The following PTPRG variants were observed in gnomAD, a reference collection of about 807,000 sequenced individuals.
The protein encoded by PTPRG is protein tyrosine phosphatase receptor type G.
A neutral mutation model predicts 165.3 loss-of-function variants in PTPRG; 102 were observed. The observed-to-expected ratio is 0.62, with a 90% CI of 0.53 to 0.73. The LOEUF is 0.73. Ranked by LOEUF, PTPRG falls within the 30% of genes least tolerant of loss-of-function variation. The probability of loss-of-function intolerance (pLI) is 0.00; values close to 1 mark genes in which losing one functional copy is unlikely to be tolerated. For missense variants in PTPRG, 1,866 were observed against 1,861.4 expected (o/e 1.00, Z -0.05); for synonymous variants, 675 against 669.5 (o/e 1.01, Z -0.13).
intron 1 of PTPRG, among the ~76,000 whole-genome samples, chr3:61,564,720 G>C (rs1699863920): frequency 6.6e-6 from 1 of 152,190 alleles, no homozygotes. Flanking sequence ...CTGGACCTCA[G>C]GGGGCGCCCC....
chr3:61,743,001 G>C, intron 1 of PTPRG: 2 of 1,546,672 alleles, frequency 1.3e-6, no homozygotes, highest in Non-Finnish European at 1.8e-6. Context: ...TCTTCAAGCT[G>C]ATCTGCAACT....
chr3:62,002,491 T>G (rs1413357671), intron 3 of PTPRG, among the ~76,000 whole-genome samples: 1 of 152,224 alleles, frequency 6.6e-6, no homozygotes, highest in Non-Finnish European at 1.5e-5. Flanking sequence ...AGAATTTGTT[T>G]TTTATGCATT....
At chr3:61,704,772 G>C (rs1471744779) in intron 1 of PTPRG, among the ~76,000 whole-genome samples, 2 of 152,188 alleles carry the variant, frequency 1.3e-5, no homozygotes, top group East Asian at 3.9e-4. Context: ...AGGTCTGTTT[G>C]TTCCCATTCC....
intron 26 of PTPRG, among the ~76,000 whole-genome samples, chr3:62,280,165 T>G (rs757035347): frequency 7.9e-5 from 12 of 152,158 alleles, no homozygotes; most frequent in Middle Eastern, 6.8e-3. Context: ...ATTGACAGAT[T>G]TCTTTTAAAA....
chr3:62,049,371 A>G (rs1180932196), intron 4 of PTPRG, among the ~76,000 whole-genome samples: 1 of 152,234 alleles, frequency 6.6e-6, no homozygotes, highest in Non-Finnish European at 1.5e-5. Context: ...TACTGGGTAG[A>G]GAAGGATTTA....
chr3:62,055,540 C>T (rs1386354355), intron 4 of PTPRG, among the ~76,000 whole-genome samples: 2 of 152,128 alleles, frequency 1.3e-5, no homozygotes, highest in Non-Finnish European at 1.5e-5. Context: ...GTATTTATTT[C>T]CTAGGGTTGC....
intron 12 of PTPRG, 84 bp from the exon 13 acceptor site, chr3:62,218,767 A>G: frequency 6.7e-7 from 1 of 1,491,050 alleles, no homozygotes; most frequent in Non-Finnish European, 9.1e-7. Context: ...GAAACCACAC[A>G]AAACTGGAAC....
chr3:61,679,355 G>A (rs1247087874), intron 1 of PTPRG, among the ~76,000 whole-genome samples: 1 of 152,176 alleles, frequency 6.6e-6, no homozygotes, highest in Non-Finnish European at 1.5e-5. Context: ...AGTTTCAGAG[G>A]ACTTGGTGGT....
chr3:61,665,503 C>CACACACACACACACACAG (rs1277333524), intron 1 of PTPRG, among the ~76,000 whole-genome samples: 1 of 151,298 alleles, frequency 6.6e-6, no homozygotes, highest in African/African-American at 2.4e-5. Flanking sequence ...CACACACACA[C>CACACACACACACACACAG]AGGCACAAAT....
At chr3:61,925,119 C>T (rs1046676566) in intron 2 of PTPRG, among the ~76,000 whole-genome samples, 1 of 152,186 alleles carries the variant, frequency 6.6e-6, no homozygotes, top group Admixed American at 6.5e-5. Context: ...TTTGTCATAG[C>T]GGCTCAAGGT....
At chr3:62,155,190 A>T (rs1406959239) in intron 6 of PTPRG, among the ~76,000 whole-genome samples, 1 of 152,226 alleles carries the variant, frequency 6.6e-6, no homozygotes. Flanking sequence ...TTTATTGGGT[A>T]ATACTAAATT....
At chr3:61,718,858 T>G (rs2106781290) in intron 1 of PTPRG, among the ~76,000 whole-genome samples, 1 of 152,322 alleles carries the variant, frequency 6.6e-6, no homozygotes, top group African/African-American at 2.4e-5. Flanking sequence ...GCTATTGACT[T>G]CCCAGGAGTC....
chr3:61,912,992 GCTCA>G lies in PTPRG; in HGVS notation c.191-76630_191-76627del, dbSNP rs1360934838. Among the ~76,000 whole-genome samples, 42 of 152,310 alleles carry G rather than the reference GCTCA, an allele frequency of 2.8e-4. 1 individual carries two copies. The highest frequency in any genetic ancestry group is 9.6e-4 in the African/African-American group (40 of 41,566). On this transcript the variant is annotated intron_variant, in intron 2 of 29. Transcript: ENST00000474889. ...ACTGCAGTGGACAGCTGGGCAGGCT[GCTCA>G]CTGTGTGAGAGCACCAGCCAAGGAG...
intron 2 of PTPRG, among the ~76,000 whole-genome samples, chr3:61,904,830 A>T (rs1238290251): frequency 6.6e-6 from 1 of 152,018 alleles, no homozygotes; most frequent in Admixed American, 6.5e-5. Flanking sequence ...CAGTAATTTT[A>T]CCCTGGGTTT....
chr3:61,849,328 A>G (rs2036894468), intron 2 of PTPRG, among the ~76,000 whole-genome samples: 1 of 152,228 alleles, frequency 6.6e-6, no homozygotes, highest in Non-Finnish European at 1.5e-5. Context: ...TTACCTGAAT[A>G]GATTATGGGA....
At chr3:62,118,168 C>T (rs1460537784) in intron 5 of PTPRG, 1 of 152,208 alleles carries the variant, frequency 6.6e-6, no homozygotes. Context: ...CTGGAATTGG[C>T]AAACTTTTTC....
rs780333241 is a variant in PTPRG at position 62,078,246 on chromosome 3, C to T, written c.603C>T (p.Ala201=). 7.5e-6 allele frequency: 12 copies of T among 1,591,918 alleles called. No homozygotes were observed. Among genetic ancestry groups the T allele is most frequent in the Non-Finnish European group, 1.0e-5 (12 of 1,168,764 alleles). ...AGAACAGAATAATCGGAGCCATGGC[C>T]ATATTTTTTCAAGTAAGTTAACAGT... The part of the protein sequence containing the change: ...ISENRIIGAM[A]IFFQVSPRDN... The change falls in exon 5 of 30, where the codon GCC becomes GCT. Residue 201 remains alanine (A), a synonymous_variant. Coordinates refer to ENST00000474889, the MANE Select transcript of PTPRG (RefSeq NM_002841.4).
intron 5 of PTPRG, chr3:62,118,325 C>T (rs1410485461): frequency 6.6e-6 from 1 of 152,188 alleles, no homozygotes; most frequent in Non-Finnish European, 1.5e-5. Flanking sequence ...TCCAATAAAA[C>T]TTTATTTACA....
intron 2 of PTPRG, among the ~76,000 whole-genome samples, chr3:61,791,935 T>C (rs556683335): frequency 5.3e-5 from 8 of 152,350 alleles, no homozygotes; most frequent in African/African-American, 1.9e-4. Flanking sequence ...TTAGATTTTG[T>C]TAATGATGTG....
Sources: allele counts gnomAD v4.1 joint callset (sites outside exome capture counted in the v4.1 genomes callset), GRCh38; gene constraint gnomAD v4.1.1; transcripts MANE v1.5; gene names NCBI Gene and HGNC (gene_info 2026-07-23, HGNC 2026-07-21).